Variants in SEL1L3 observed in about 807,000 individuals in gnomAD.
SEL1L3 encodes SEL1L family member 3.
Under a neutral mutation model 142.8 loss-of-function variants are expected in SEL1L3, and 76 were observed. The observed-to-expected ratio is 0.53, with a 90% confidence interval of 0.44 to 0.64. The LOEUF (loss-of-function observed/expected upper bound fraction) is 0.64, where lower values mean the gene tolerates loss of function less well. SEL1L3 is among the 30% of genes least tolerant of loss of function. SEL1L3 has a pLI of 0.00. For synonymous variants in SEL1L3, 504 were observed against 519.6 expected, an observed-to-expected ratio of 0.97 and a Z score of 0.41; for missense variants, 1,262 against 1,381.7, an observed-to-expected ratio of 0.91 and a Z score of 1.37.
At chr4:25,737,362 G>A in the SEL1L3 span, among the ~76,000 whole-genome samples, 1 of 152,114 alleles carries the variant, frequency 6.6e-6, no homozygotes, top group African/African-American at 2.4e-5. Context: ...TGCTAGCAAG[G>A]TACCTTTTAT....
At chr4:25,772,807 AT>A (rs1176307202) in intron 17 of SEL1L3, among the ~76,000 whole-genome samples, 2 of 151,232 alleles carry the variant, frequency 1.3e-5, no homozygotes, top group Non-Finnish European at 3.0e-5. Flanking sequence ...TTATTTATTT[AT>A]TTTTTTTGAA....
intron 9 of SEL1L3, among the ~76,000 whole-genome samples, chr4:25,807,911 C>G (rs1713710898): frequency 6.6e-6 from 1 of 152,076 alleles, no homozygotes; most frequent in Admixed American, 6.5e-5. Flanking sequence ...ATGTGAAATT[C>G]AAAACTCCCC....
At chr4:25,777,636 A>G in intron 16 of SEL1L3, 1 of 354,426 alleles carries the variant, frequency 2.8e-6, no homozygotes, top group South Asian at 2.2e-5. Flanking sequence ...AATCATTCAG[A>G]ATATATTCTC....
At chr4:25,735,826 C>CTTTTTTTTTT in the SEL1L3 span, among the ~76,000 whole-genome samples, 3 of 101,600 alleles carry the variant, frequency 3.0e-5, no homozygotes, top group Middle Eastern at 6.2e-3. Context: ...TCTAACTATT[C>CTTTTTTTTTT]TTTTTTTTTT....
the SEL1L3 span, among the ~76,000 whole-genome samples, chr4:25,738,928 G>A: frequency 6.6e-6 from 1 of 152,072 alleles, no homozygotes; most frequent in Non-Finnish European, 1.5e-5. Flanking sequence ...GAGGTTGGCT[G>A]GGCACAGTGG....
chr4:25,740,475 G>A, the SEL1L3 span, among the ~76,000 whole-genome samples: 1 of 151,474 alleles, frequency 6.6e-6, no homozygotes, highest in Admixed American at 6.6e-5. Context: ...TCTTACTGGT[G>A]CATGGTTTTC....
intron 6 of SEL1L3, among the ~76,000 whole-genome samples, chr4:25,825,972 G>A (rs948575941): frequency 8.6e-5 from 13 of 151,926 alleles, no homozygotes; most frequent in African/African-American, 2.4e-4. Flanking sequence ...ACGCCCGGCC[G>A]GCCTGGTCTA....
intron 1 of SEL1L3, among the ~76,000 whole-genome samples, chr4:25,853,686 T>G (rs2109319704): frequency 6.8e-6 from 1 of 146,692 alleles, no homozygotes; most frequent in South Asian, 2.2e-4. Flanking sequence ...TTTTTTTTTT[T>G]TTTGAGATGG....
At chr4:25,793,203 A>C (rs1480681021) in intron 11 of SEL1L3, among the ~76,000 whole-genome samples, 1 of 152,186 alleles carries the variant, frequency 6.6e-6, no homozygotes, top group Non-Finnish European at 1.5e-5. Flanking sequence ...TGGGGCCCAC[A>C]TCCTTTGCCC....
Position 25,792,062 on chromosome 4 carries a change from G to A in SEL1L3, c.1957-1488C>T, listed in dbSNP as rs138221268. Among the ~76,000 whole-genome samples the A allele has an allele frequency of 1.3e-4, 20 of 152,178 alleles. No individual in the cohort carries two copies. The East Asian group carries it at 3.7e-3, about 28-fold the overall frequency. On this transcript the variant is annotated intron_variant, in intron 11 of 23. Transcript: ENST00000399878. ...GGCTGAGATTTGGTGATTGTGCTAG[G>A]CTCAAAACCCAGCCAGCAGCCATTC...
rs1719534489 is a variant in SEL1L3 at position 25,775,251 on chromosome 4, G to A, written c.2669+1026C>T. ...AGGCCACAGGTAATAAACTTTCACA[G>A]GATGATGATAATAAAAATTTGCATT... On this transcript the variant is annotated intron_variant, in intron 17 of 23. Coordinates refer to ENST00000399878, the MANE Select transcript of SEL1L3 (RefSeq NM_015187.5). Among the ~76,000 whole-genome samples the A allele has an allele frequency of 2.6e-5, 4 of 152,196 alleles. 1 individual carries two copies. The South Asian group carries it at 8.3e-4, about 32-fold the overall frequency.
chr4:25,838,582 G>T (rs1382915843), intron 2 of SEL1L3, among the ~76,000 whole-genome samples: 1 of 151,794 alleles, frequency 6.6e-6, no homozygotes, highest in Non-Finnish European at 1.5e-5. Flanking sequence ...GGATATACTG[G>T]TTGCTAAAAC....
the SEL1L3 span, among the ~76,000 whole-genome samples, chr4:25,736,666 A>G: frequency 6.6e-6 from 1 of 152,186 alleles, no homozygotes; most frequent in Non-Finnish European, 1.5e-5. Flanking sequence ...TAGTTAAGTT[A>G]AGGATGTCAA....
At chr4:25,828,277 C>T (rs1715217180) in intron 6 of SEL1L3, among the ~76,000 whole-genome samples, 1 of 151,938 alleles carries the variant, frequency 6.6e-6, no homozygotes, top group Non-Finnish European at 1.5e-5. Context: ...ATCAGATGGA[C>T]TCAAGTGAAA....
At position 25,835,287 on chromosome 4, in the gene SEL1L3, C is replaced by T; in HGVS notation, c.770G>A (p.Ser257Asn). The T allele has an allele frequency of 6.2e-7, 1 of 1,614,014 alleles. No homozygotes were observed. The highest frequency in any genetic ancestry group is 1.1e-5 in the South Asian group (1 of 91,086). ...VALLGFPYASSGENTGIVKKF... is the reference protein window; with the variant it reads ...VALLGFPYASNGENTGIVKKF... ...CTTGACAATGCCTGTGTTTTCTCCA[C>T]TGGAGGCATAAGGAAAGCCAAGCAG... The change falls in exon 3 of 24, where the codon AGT becomes AAT. Residue 257 changes from serine (S) to asparagine (N), a missense_variant. Physicochemically the swap from Ser to Asn is conservative, Grantham distance 46. Transcript: ENST00000399878.
chr4:25,836,937 G>C (rs555461082), intron 2 of SEL1L3, among the ~76,000 whole-genome samples: 24 of 152,178 alleles, frequency 1.6e-4, no homozygotes, highest in African/African-American at 5.8e-4. Flanking sequence ...AGAATCACAG[G>C]CCCTTGTGTA....
chr4:25,738,847 G>A, the SEL1L3 span, among the ~76,000 whole-genome samples: 2 of 152,128 alleles, frequency 1.3e-5, no homozygotes, highest in African/African-American at 4.8e-5. Context: ...TTTGACATAT[G>A]GTTTAGATGA....
intron 14 of SEL1L3, among the ~76,000 whole-genome samples, chr4:25,782,930 G>A (rs960043826): frequency 1.3e-5 from 2 of 152,222 alleles, no homozygotes; most frequent in Non-Finnish European, 2.9e-5. Flanking sequence ...GCATGGTTCT[G>A]ACAGTGGGTT....
At chr4:25,725,800 T>C in the SEL1L3 span, among the ~76,000 whole-genome samples, 35 of 152,314 alleles carry the variant, frequency 2.3e-4, no homozygotes, top group African/African-American at 8.4e-4. Flanking sequence ...ATGGCATTTG[T>C]AAAGTGTCAC....
Sources: allele counts gnomAD v4.1 joint callset (sites outside exome capture counted in the v4.1 genomes callset), GRCh38; gene constraint gnomAD v4.1.1; transcripts MANE v1.5; gene names NCBI Gene and HGNC (gene_info 2026-07-23, HGNC 2026-07-21).